The following SIPA1L2 variants were observed in gnomAD, a reference collection of about 807,000 sequenced individuals.
SIPA1L2 encodes signal induced proliferation associated 1 like 2, also known as signal-induced proliferation-associated 1-like protein 2.
A neutral mutation model predicts 163.9 loss-of-function variants in SIPA1L2; 56 were observed. The observed-to-expected ratio is 0.34, with a 90% CI of 0.28 to 0.43. The LOEUF is 0.43. SIPA1L2 is among the 20% of genes least tolerant of loss of function. SIPA1L2 has a pLI of 1.00. For synonymous variants in SIPA1L2, 877 were observed against 865.7 expected (o/e 1.01, Z -0.23); for missense variants, 1,974 against 2,193.5 (o/e 0.90, Z 2.00).
intron 1 of SIPA1L2, among the ~76,000 whole-genome samples, chr1:232,596,800 G>T (rs1289953433): frequency 6.6e-6 from 1 of 152,154 alleles, no homozygotes; most frequent in African/African-American, 2.4e-5. Flanking sequence ...CGCCTGTGAG[G>T]GGATCGATGA....
intron 3 of SIPA1L2, among the ~76,000 whole-genome samples, chr1:232,504,139 T>C (rs1241543187): frequency 6.6e-6 from 1 of 151,732 alleles, no homozygotes; most frequent in Non-Finnish European, 1.5e-5. Flanking sequence ...GAGGCAGAGG[T>C]TGCAGTGAGC....
chr1:232,484,115 G>A, intron 5 of SIPA1L2, 149 bp from the exon 6 acceptor site: 1 of 674,302 alleles, frequency 1.5e-6, no homozygotes, highest in Admixed American at 3.4e-5. Context: ...GTAGGCAACT[G>A]CCACTGTGAA....
At chr1:232,521,305 C>T (rs144701525) in intron 2 of SIPA1L2, among the ~76,000 whole-genome samples, 3 of 152,330 alleles carry the variant, frequency 2.0e-5, no homozygotes, top group Non-Finnish European at 2.9e-5. Flanking sequence ...AGGAATTTCT[C>T]AAGTGACATC....
rs558466682 is a variant in SIPA1L2 at position 232,455,419 on chromosome 1, C to T, written c.3095+5468G>A. The stretch of plus-strand genomic sequence containing the variant: ...GTGGTTGGCCGGGTGCCGTGGCTCA[C>T]GCCTGTAATCCCAGCACTTTGGGAG... On this transcript the variant is annotated intron_variant, in intron 10 of 22. Transcript: ENST00000674635. Among the ~76,000 whole-genome samples, 122 of 152,282 alleles carry T rather than the reference C, an allele frequency of 8.0e-4. No individual in the cohort carries two copies. In the Middle Eastern group the frequency reaches 0.01, roughly 13 times the overall value.
intron 2 of SIPA1L2, among the ~76,000 whole-genome samples, chr1:232,548,832 C>T (rs1266263552): frequency 6.6e-6 from 1 of 152,094 alleles, no homozygotes; most frequent in Non-Finnish European, 1.5e-5. Flanking sequence ...GGGGACGCAG[C>T]CTACGCAAAG....
At chr1:232,437,579 C>T (rs1483253634) in intron 15 of SIPA1L2, among the ~76,000 whole-genome samples, 2 of 152,290 alleles carry the variant, frequency 1.3e-5, no homozygotes, top group Middle Eastern at 3.4e-3. Context: ...AAATAATGTC[C>T]TGCTTCTCTT....
rs1443568158 is a variant in SIPA1L2 at position 232,441,646 on chromosome 1, ACCT to A, written c.3538+119_3538+121del. ...CCTGCATCTGGAGACCCAGCTGATC[ACCT>A]CAACTTGGTGCACATAGGTTGAATG... On this transcript the variant is annotated intron_variant, in intron 13 of 22. Transcript: ENST00000674635. 5 of 881,066 alleles carry A rather than the reference ACCT, an allele frequency of 5.7e-6. No homozygotes were observed. The African/African-American group carries it at 8.4e-5, about 15-fold the overall frequency. 54.6% of individuals were successfully genotyped at this position (881,066 alleles called of 1,614,324 possible).
chr1:232,480,734 C>T (rs1336423938), intron 6 of SIPA1L2, among the ~76,000 whole-genome samples: 2 of 152,122 alleles, frequency 1.3e-5, no homozygotes, highest in Non-Finnish European at 2.9e-5. Context: ...TTTTAAGCAA[C>T]AAGAAACAGT....
chr1:232,512,724 G>A (rs927849177), intron 3 of SIPA1L2, among the ~76,000 whole-genome samples: 2 of 152,114 alleles, frequency 1.3e-5, no homozygotes, highest in Non-Finnish European at 2.9e-5. Context: ...GGGTTGACAG[G>A]TGCAGCAAAC....
At chr1:232,587,634 AC>A (rs1381697160) in intron 1 of SIPA1L2, among the ~76,000 whole-genome samples, 1 of 152,178 alleles carries the variant, frequency 6.6e-6, no homozygotes, top group African/African-American at 2.4e-5. Flanking sequence ...CTGTCATCTT[AC>A]CACATAACTG....
At position 232,511,004 on chromosome 1, in the gene SIPA1L2, T is replaced by A. The variant is rs1666954961; in HGVS notation, c.1483+2853A>T. 2.6e-5 allele frequency among the ~76,000 whole-genome samples: 4 copies of A among 152,232 alleles called. No individual in the cohort carries two copies. In the South Asian group the frequency reaches 8.3e-4, roughly 32 times the overall value. Reference sequence around the variant, plus strand: ...ATAAATCCAACAGACTTTATTTTATTAAGAATTGGCAGCCATGGCTTCATC... The same window carrying A: ...ATAAATCCAACAGACTTTATTTTATAAAGAATTGGCAGCCATGGCTTCATC... On this transcript the variant is annotated intron_variant, in intron 3 of 22. Coordinates refer to ENST00000674635, the MANE Select transcript of SIPA1L2 (RefSeq NM_020808.5).
intron 3 of SIPA1L2, among the ~76,000 whole-genome samples, chr1:232,512,893 G>T (rs892838173): frequency 6.6e-6 from 1 of 152,216 alleles, no homozygotes; most frequent in African/African-American, 2.4e-5. Context: ...AAAGGAGGAG[G>T]AGAGTAGCGG....
intron 5 of SIPA1L2, among the ~76,000 whole-genome samples, chr1:232,487,701 ATAAT>A (rs971695786): frequency 6.6e-6 from 1 of 150,972 alleles, no homozygotes; most frequent in Non-Finnish European, 1.5e-5. Context: ...GTCTTGTTTA[ATAAT>A]TACTTTCCTG....
At chr1:232,618,339 T>A (rs995977551) in intron 1 of SIPA1L2, among the ~76,000 whole-genome samples, 6 of 152,088 alleles carry the variant, frequency 3.9e-5, no homozygotes, top group African/African-American at 1.4e-4. Context: ...TCCACAGACA[T>A]CCTTCCTAAT....
intron 6 of SIPA1L2, among the ~76,000 whole-genome samples, chr1:232,481,597 T>C (rs927075444): frequency 2.6e-5 from 4 of 152,226 alleles, no homozygotes; most frequent in African/African-American, 9.6e-5. Context: ...ATGGAGAATG[T>C]AGACTAACAA....
At chr1:232,485,340 T>C (rs1665594466) in intron 5 of SIPA1L2, among the ~76,000 whole-genome samples, 1 of 152,124 alleles carries the variant, frequency 6.6e-6, no homozygotes. Flanking sequence ...GTACCTTGAG[T>C]GTGGGGATAT....
intron 14 of SIPA1L2, among the ~76,000 whole-genome samples, chr1:232,440,601 C>T (rs1364748850): frequency 6.6e-6 from 1 of 152,180 alleles, no homozygotes; most frequent in Non-Finnish European, 1.5e-5. Context: ...TGGCTGATGA[C>T]ACATTAAGAA....
intron 10 of SIPA1L2, 30 bp from the exon 11 acceptor site, chr1:232,445,816 G>A (rs777582803): frequency 1.9e-6 from 3 of 1,600,386 alleles, no homozygotes; most frequent in South Asian, 1.1e-5. Flanking sequence ...TGGTGAGAAG[G>A]GAAGCTCTCA....
intron 9 of SIPA1L2, chr1:232,462,559 G>A (rs753179170): frequency 1.3e-4 from 46 of 361,546 alleles, no homozygotes; most frequent in African/African-American, 2.4e-4. Context: ...AAAGGGGACT[G>A]CTGGTTTTAG....
Sources: allele counts gnomAD v4.1 joint callset (sites outside exome capture counted in the v4.1 genomes callset), GRCh38; gene constraint gnomAD v4.1.1; transcripts MANE v1.5; gene names NCBI Gene and HGNC (gene_info 2026-07-23, HGNC 2026-07-21).